Variants in DDX17 observed in about 807,000 individuals in gnomAD.
DDX17 encodes probable ATP-dependent RNA helicase DDX17.
A neutral mutation model predicts 80.8 loss-of-function variants in DDX17; 10 were observed. That is an observed-to-expected ratio of 0.12 (90% confidence interval 0.08 to 0.21). The LOEUF is 0.21. Among genes scored for constraint, DDX17 ranks in the 10% least tolerant of loss-of-function variants. DDX17 has a pLI of 1.00. For synonymous variants in DDX17, 339 were observed against 336.2 expected (o/e 1.01, Z -0.09); for missense variants, 586 against 957.4 (o/e 0.61, Z 5.12).
chr22:38,501,334 A>T, intron 1 of DDX17, 54 bp from the exon 2 acceptor site: 1 of 1,558,278 alleles, frequency 6.4e-7, no homozygotes, highest in African/African-American at 1.4e-5. Flanking sequence ...AACGTATCGT[A>T]CATGCCATAA....
chr22:38,498,503 C>T lies in DDX17; in HGVS notation c.609G>A (p.Pro203=), dbSNP rs142571834. The change falls in exon 4 of 13, where the codon CCG becomes CCA. Residue 203 remains proline (P), a synonymous_variant. Coordinates refer to ENST00000403230, the MANE Select transcript of DDX17 (RefSeq NM_006386.5). ...CCATATCCCGGCCACTAAGAGCCAACGGAAATCCCTGGCACTGAATTGGAG... is the reference window on the plus strand; with the variant it reads ...CCATATCCCGGCCACTAAGAGCCAATGGAAATCCCTGGCACTGAATTGGAG... 239 of 1,614,044 alleles carry T rather than the reference C, an allele frequency of 1.5e-4. No homozygotes were observed. In the Middle Eastern group the frequency reaches 2.1e-3, roughly 14 times the overall value.
Position 38,486,458 on chromosome 22 carries a change from G to A in DDX17, c.1685-18C>T, listed in dbSNP as rs2089661023. 1 of 1,573,988 alleles carries A rather than the reference G, an allele frequency of 6.4e-7. No homozygotes were observed. The highest frequency in any genetic ancestry group is 1.2e-5 in the South Asian group (1 of 85,318). ...ACGACCACCTAATGGGAAGATACAA[G>A]AAGATTTTTAATGGCAGATATAGGA... On this transcript the variant is annotated intron_variant, in intron 12 of 12. Transcript: ENST00000403230.
intron 5 of DDX17, among the ~76,000 whole-genome samples, chr22:38,496,984 C>G (rs2089774391): frequency 6.6e-6 from 1 of 151,948 alleles, no homozygotes; most frequent in Non-Finnish European, 1.5e-5. Context: ...ATATATAGGA[C>G]AAATGCAAGC....
At chr22:38,492,578 C>T (rs1189977962) in intron 10 of DDX17, among the ~76,000 whole-genome samples, 1 of 152,200 alleles carries the variant, frequency 6.6e-6, no homozygotes, top group Admixed American at 6.5e-5. Context: ...CCTCCACCTC[C>T]CGGGTTCAAG....
rs1407565919 is a variant in DDX17, at chr22:38,506,292, C to T, written c.-55G>A. The T allele has an allele frequency of 3.3e-6, 5 of 1,500,466 alleles. No homozygotes were observed. The highest frequency in any genetic ancestry group is 2.5e-5 in the East Asian group (1 of 40,256). The allele number at this position is 1,500,466 out of a possible 1,614,324, so 92.9% of individuals were successfully genotyped here. ...GCGGTTTAGGCGTCTCCTTCCTTCC[C>T]AGCGACTGCACAAAATGGCGGCCGC... On this transcript the variant is annotated 5_prime_UTR_variant, in exon 1 of 13. Coordinates refer to ENST00000403230, the MANE Select transcript of DDX17 (RefSeq NM_006386.5).
In DDX17 at chr22:38,483,886, C is replaced by T. The variant is rs963820783; in HGVS notation, c.*2049G>A. The T allele has an allele frequency of 2.0e-5, 3 of 152,180 alleles. No individual in the cohort carries two copies. Among genetic ancestry groups the T allele is most frequent in the African/African-American group, 7.2e-5 (3 of 41,434 alleles). The allele number at this position is 152,180 out of a possible 1,614,324, so 9.4% of individuals were successfully genotyped here. A position where few individuals can be genotyped will look rare whatever the true frequency, so the allele number is the denominator to read the frequency against. On this transcript the variant is annotated 3_prime_UTR_variant, in exon 13 of 13. Coordinates refer to ENST00000403230, the MANE Select transcript of DDX17 (RefSeq NM_006386.5). ...AACTCTGCTAGATTTCAGCTGTGCT[C>T]AGGCCATAATAGTTTTTGAGGTTTG...
Position 38,485,856 on chromosome 22 carries a change from C to T in DDX17, c.*79G>A, listed in dbSNP as rs192291816. ...GAAAAAAGGAAAAAAAAAGAAAAGG[C>T]GAAGAGGAAAAAAAAAGGAAAGACA... On this transcript the variant is annotated 3_prime_UTR_variant, in exon 13 of 13. Transcript: ENST00000403230. 215 of 1,412,678 alleles carry T rather than the reference C, an allele frequency of 1.5e-4. No individual in the cohort carries two copies. In the East Asian group the frequency reaches 5.1e-3, roughly 34 times the overall value. 87.5% of individuals were successfully genotyped at this position (1,412,678 alleles called of 1,614,324 possible).
chr22:38,498,339 C>G (rs1231324874), intron 4 of DDX17, 101 bp downstream of exon 4: 1 of 1,518,104 alleles, frequency 6.6e-7, no homozygotes, highest in Admixed American at 1.9e-5. Flanking sequence ...TAGTATCTAA[C>G]TATCTGAATG....
rs188600089 is a variant in DDX17 at position 38,501,056 on chromosome 22, C to A, written c.438+74G>T. On this transcript the variant is annotated intron_variant, in intron 2 of 12. Transcript: ENST00000403230. The stretch of plus-strand genomic sequence containing the variant: ...ATAAAATGTAAAACGGCAACAGTAG[C>A]GTATGAATAAACTCTAACCAATATA... 7.3e-6 allele frequency: 11 copies of A among 1,508,320 alleles called. No homozygotes were observed. The East Asian group carries it at 2.0e-4, about 27-fold the overall frequency. The allele number at this position is 1,508,320 out of a possible 1,614,324, so 93.4% of individuals were successfully genotyped here.
chr22:38,501,027 T>A, intron 2 of DDX17, 103 bp downstream of exon 2: 2 of 1,364,930 alleles, frequency 1.5e-6, no homozygotes, highest in Non-Finnish European at 9.8e-7. Flanking sequence ...ATCACCACAC[T>A]AGAATAAAAT....
chr22:38,484,426 G>C lies in DDX17; in HGVS notation c.*1509C>G, dbSNP rs11538316. On this transcript the variant is annotated 3_prime_UTR_variant, in exon 13 of 13. Coordinates refer to ENST00000403230, the MANE Select transcript of DDX17 (RefSeq NM_006386.5). ...CCTCTCTCCCTAAAGAATTTTAAAA[G>C]GAAAACAAAACCTCGAGTATAGATC... The C allele has an allele frequency of 6.6e-6, 1 of 152,170 alleles. No homozygotes were observed. Among genetic ancestry groups the C allele is most frequent in the Non-Finnish European group, 1.5e-5 (1 of 68,034 alleles). 9.4% of individuals were successfully genotyped at this position (152,170 alleles called of 1,614,324 possible). A position where few individuals can be genotyped will look rare whatever the true frequency, so the allele number is the denominator to read the frequency against.
chr22:38,498,623 C>T, intron 3 of DDX17, 50 bp from the exon 4 acceptor site: 2 of 1,590,628 alleles, frequency 1.3e-6, no homozygotes, highest in Non-Finnish European at 1.7e-6. Flanking sequence ...AAGACACAAA[C>T]CAAGAGTTTT....
chr22:38,489,605 A>C lies in DDX17; in HGVS notation c.1448-1490T>G. The C allele has an allele frequency of 1.0e-6, 1 of 985,184 alleles. No homozygotes were observed. Among genetic ancestry groups the C allele is most frequent in the South Asian group, 4.7e-5 (1 of 21,258 alleles). The allele number at this position is 985,184 out of a possible 1,614,324, so 61.0% of individuals were successfully genotyped here. A position where few individuals can be genotyped will look rare whatever the true frequency, so the allele number is the denominator to read the frequency against. ...TATTGCCCAGACTGGATTAATTTCA[A>C]GGGAGAAAGGGGAGATTAAAAAAAA... On this transcript the variant is annotated intron_variant, in intron 11 of 12. Coordinates refer to ENST00000403230, the MANE Select transcript of DDX17 (RefSeq NM_006386.5). This position sits in a 1 kb window ranked among gnomAD's most constrained non-coding sequence, Gnocchi z 4.6.
At chr22:38,495,456 A>G (rs556583551) in intron 6 of DDX17, among the ~76,000 whole-genome samples, 1 of 152,256 alleles carries the variant, frequency 6.6e-6, no homozygotes, top group African/African-American at 2.4e-5. Flanking sequence ...CATGTTAGCC[A>G]GGATGGTCCC....
chr22:38,492,236 A>T, intron 10 of DDX17, 121 bp from the exon 11 acceptor site: 1 of 705,772 alleles, frequency 1.4e-6, no homozygotes, highest in Non-Finnish European at 2.3e-6. Flanking sequence ...GTAATGACTG[A>T]CAGTGATTCT....
At chr22:38,486,512 T>C (rs2089661608) in intron 12 of DDX17, 72 bp from the exon 13 acceptor site, 1 of 1,465,534 alleles carries the variant, frequency 6.8e-7, no homozygotes, top group South Asian at 1.4e-5. Context: ...AAAATTCTAC[T>C]GGGTACAAAA....
At chr22:38,493,491 C>T in intron 10 of DDX17, 1 of 533,556 alleles carries the variant, frequency 1.9e-6, no homozygotes, top group Non-Finnish European at 3.4e-6. Flanking sequence ...GTGCCCAGTC[C>T]AGGCCACTTC....
Position 38,489,653 on chromosome 22 carries a change from C to A in DDX17, c.1448-1538G>T, listed in dbSNP as rs1448145710. The A allele has an allele frequency of 5.1e-6, 5 of 985,112 alleles. No homozygotes were observed. In the East Asian group the frequency reaches 5.7e-4, roughly 112 times the overall value. 61.0% of individuals were successfully genotyped at this position (985,112 alleles called of 1,614,324 possible). Reference sequence around the variant, plus strand: ...AAAAAAATTAGCTGTTGTTACAGGGCTTGTGAAGAAGGGGCATTATGTCTG... The same window carrying A: ...AAAAAAATTAGCTGTTGTTACAGGGATTGTGAAGAAGGGGCATTATGTCTG... On this transcript the variant is annotated intron_variant, in intron 11 of 12. Coordinates refer to ENST00000403230, the MANE Select transcript of DDX17 (RefSeq NM_006386.5). This position sits in a 1 kb window ranked among gnomAD's most constrained non-coding sequence, Gnocchi z 4.6.
chr22:38,490,924 G>C (rs919010895), intron 11 of DDX17: 1 of 156,532 alleles, frequency 6.4e-6, no homozygotes, highest in African/African-American at 2.4e-5. Context: ...AGAAATGCAA[G>C]GGGACATGGA....
Sources: allele counts gnomAD v4.1 joint callset (sites outside exome capture counted in the v4.1 genomes callset), GRCh38; gene constraint gnomAD v4.1.1; non-coding constraint Gnocchi (gnomAD v3.1); transcripts MANE v1.5; gene names NCBI Gene and HGNC (gene_info 2026-07-23, HGNC 2026-07-21).